The following NRXN1 variants were observed in gnomAD, a reference collection of about 807,000 sequenced individuals.
NRXN1 encodes neurexin 1, also known as neurexin-1.
In NRXN1, 39 loss-of-function variants were observed where a neutral mutation model predicts 150.9. That is an observed-to-expected ratio of 0.26 (90% CI 0.20 to 0.34). NRXN1 has a LOEUF of 0.34. Among genes scored for constraint, NRXN1 ranks in the 10% least tolerant of loss-of-function variants. The pLI is 1.00. For synonymous variants in NRXN1, 924 were observed against 757.0 expected (o/e 1.22, Z -3.62); for missense variants, 1,815 against 1,949.9 (o/e 0.93, Z 1.30).
intron 18 of NRXN1, among the ~76,000 whole-genome samples, chr2:50,180,829 T>C (rs149165084): frequency 6.6e-6 from 1 of 152,278 alleles, no homozygotes; most frequent in African/African-American, 2.4e-5. Context: ...CTTTTAAAAG[T>C]CTTGCATGCA....
chr2:50,101,997 C>T (rs1411863810), intron 18 of NRXN1, among the ~76,000 whole-genome samples: 2 of 151,846 alleles, frequency 1.3e-5, no homozygotes, highest in Admixed American at 6.6e-5. Context: ...TGTCCGACAT[C>T]CTTAGGAAAA....
chr2:50,666,718 A>AAT (rs1421366310), intron 5 of NRXN1, among the ~76,000 whole-genome samples: 1 of 151,940 alleles, frequency 6.6e-6, no homozygotes, highest in East Asian at 1.9e-4. Context: ...CAGGTAAAAA[A>AAT]ATAGTCAACA....
At chr2:50,736,634 A>G (rs1472841009) in intron 5 of NRXN1, among the ~76,000 whole-genome samples, 3 of 152,126 alleles carry the variant, frequency 2.0e-5, no homozygotes, top group African/African-American at 7.2e-5. Flanking sequence ...ATAAGGGGAG[A>G]AACCCCTTTT....
At position 50,472,415 on chromosome 2, in the gene NRXN1, C is replaced by T. The variant is rs758678656; in HGVS notation, c.3127G>A (p.Val1043Ile). ...CCTTGAAAGCCTTCTTTGGCATGTA[C>T]AAGTTTTGGTAAGGATTTGTATGTT... ...KETYKSLPKL[V>I]HAKEGFQGCL... Residue 1043 changes from valine to isoleucine, a missense_variant, in exon 16 of 23, where the codon GTA (valine) becomes ATA (isoleucine). Transcript: ENST00000401669. 2 of 1,612,098 alleles carry T rather than the reference C, an allele frequency of 1.2e-6. No individual in the cohort carries two copies. Among genetic ancestry groups the T allele is most frequent in the Non-Finnish European group, 8.5e-7 (1 of 1,178,846 alleles).
At chr2:50,627,396 C>CGT (rs1354404783) in intron 5 of NRXN1, among the ~76,000 whole-genome samples, 1 of 93,996 alleles carries the variant, frequency 1.1e-5, no homozygotes, top group African/African-American at 4.1e-5. Flanking sequence ...TGTGTGTGTG[C>CGT]GCATACTAAT....
intron 18 of NRXN1, among the ~76,000 whole-genome samples, chr2:50,210,745 AATAG>A (rs1429669480): frequency 1.3e-5 from 2 of 151,652 alleles, no homozygotes; most frequent in Non-Finnish European, 3.0e-5. Context: ...AGTAGTAGAA[AATAG>A]ATAATGTACT....
intron 15 of NRXN1, among the ~76,000 whole-genome samples, chr2:50,494,191 G>C (rs914495001): frequency 1.3e-5 from 2 of 152,142 alleles, no homozygotes; most frequent in African/African-American, 4.8e-5. Context: ...TCAATGTGTA[G>C]GGCTGTACAT....
intron 9 of NRXN1, among the ~76,000 whole-genome samples, chr2:50,551,690 C>T (rs1006713932): frequency 2.6e-5 from 4 of 151,988 alleles, no homozygotes; most frequent in Non-Finnish European, 4.4e-5. Context: ...AGCATGGGAG[C>T]CCGGGGTGAA....
At chr2:50,082,535 T>C (rs1698121460) in intron 19 of NRXN1, among the ~76,000 whole-genome samples, 1 of 152,218 alleles carries the variant, frequency 6.6e-6, no homozygotes, top group Non-Finnish European at 1.5e-5. Context: ...TCAATTTGAT[T>C]TGATGGGTTG....
intron 17 of NRXN1, among the ~76,000 whole-genome samples, chr2:50,301,093 A>G (rs2074106690): frequency 6.6e-6 from 1 of 152,202 alleles, no homozygotes; most frequent in African/African-American, 2.4e-5. Flanking sequence ...TCCAGAAAAG[A>G]GCCATCTCAC....
At chr2:51,002,828 T>C (rs759987800) in intron 2 of NRXN1, among the ~76,000 whole-genome samples, 1 of 152,006 alleles carries the variant, frequency 6.6e-6, no homozygotes, top group Non-Finnish European at 1.5e-5. Context: ...TCAAACTGTT[T>C]TCTTTCTCTG....
chr2:50,524,447 C>G (rs548326471), intron 12 of NRXN1, among the ~76,000 whole-genome samples: 1 of 151,240 alleles, frequency 6.6e-6, no homozygotes, highest in African/African-American at 2.4e-5. Flanking sequence ...CCACTGCACT[C>G]CAGCCTGGAT....
At chr2:50,900,253 T>G (rs1476309948) in intron 5 of NRXN1, among the ~76,000 whole-genome samples, 1 of 152,164 alleles carries the variant, frequency 6.6e-6, no homozygotes. Flanking sequence ...GATTTTTAAG[T>G]GCATAATAGA....
At chr2:50,624,527 C>G (rs1195349372) in intron 5 of NRXN1, among the ~76,000 whole-genome samples, 1 of 151,792 alleles carries the variant, frequency 6.6e-6, no homozygotes, top group Admixed American at 6.6e-5. Flanking sequence ...CATTGAGAGA[C>G]CATAGAAAAT....
chr2:50,708,072 C>T (rs1406414056), intron 5 of NRXN1, among the ~76,000 whole-genome samples: 3 of 152,082 alleles, frequency 2.0e-5, no homozygotes, highest in Non-Finnish European at 4.4e-5. Context: ...ATAGAATACT[C>T]ATTAGTGTTT....
chr2:50,068,830 A>C (rs374743533), intron 19 of NRXN1, among the ~76,000 whole-genome samples: 35 of 152,320 alleles, frequency 2.3e-4, no homozygotes, highest in South Asian at 1.2e-3. Context: ...GTGGAAAATA[A>C]ATCTATTATC....
chr2:50,874,220 C>T (rs907096616), intron 5 of NRXN1, among the ~76,000 whole-genome samples: 3 of 151,834 alleles, frequency 2.0e-5, no homozygotes, highest in African/African-American at 7.2e-5. Context: ...TTCACTTATC[C>T]AACTTTTCTT....
chr2:50,442,273 A>C (rs187626769), intron 17 of NRXN1, among the ~76,000 whole-genome samples: 7 of 152,288 alleles, frequency 4.6e-5, no homozygotes, highest in Admixed American at 2.0e-4. Context: ...GTGGTCCTAC[A>C]TGTTGCCTAT....
intron 2 of NRXN1, among the ~76,000 whole-genome samples, chr2:50,942,419 C>T (rs1241635592): frequency 6.6e-6 from 1 of 152,148 alleles, no homozygotes; most frequent in East Asian, 1.9e-4. Flanking sequence ...ACAGCTTGCA[C>T]CATGAACCTG....
Sources: gnomAD v4.1 joint callset for allele counts (sites outside exome capture counted in the v4.1 genomes callset) on GRCh38, gnomAD v4.1.1 for gene constraint, MANE v1.5 for transcripts, NCBI Gene and HGNC (gene_info 2026-07-23, HGNC 2026-07-21) for gene names.